Variants in GRPEL1 observed in about 807,000 individuals in gnomAD.
GRPEL1 encodes the protein GrpE like 1, mitochondrial, also known as grpE protein homolog 1, mitochondrial.
In GRPEL1, 13 loss-of-function variants were observed where a neutral mutation model predicts 22.1. The ratio of observed to expected loss-of-function variants is 0.59; its 90% CI spans 0.38 to 0.94. The LOEUF is 0.94. Ranked by LOEUF, GRPEL1 falls within the 40% of genes least tolerant of loss-of-function variation. The pLI is 0.00. For synonymous variants in GRPEL1, 109 were observed against 105.3 expected (o/e 1.03, Z -0.21); for missense variants, 289 against 264.6 (o/e 1.09, Z -0.64).
At chr4:7,062,802 A>G (rs59128242) in intron 2 of GRPEL1, among the ~76,000 whole-genome samples, 13,925 of 152,104 alleles carry the variant, frequency 0.092, 813 homozygotes, top group East Asian at 0.26. Context: ...GTGGGCCACC[A>G]TGCCTGGCCG....
At chr4:7,067,718 C>T (rs993048225) in intron 1 of GRPEL1, among the ~76,000 whole-genome samples, 1 of 152,256 alleles carries the variant, frequency 6.6e-6, no homozygotes, top group Non-Finnish European at 1.5e-5. Flanking sequence ...GAGCCAAACG[C>T]CCCCCGCGCT....
chr4:7,067,993 G>A lies in GRPEL1; in HGVS notation c.40C>T (p.Pro14Ser). Residue 14 changes from proline (P) to serine (S), a missense_variant, in exon 1 of 4, where the codon CCT becomes TCT. Transcript: ENST00000264954. ...QCVRLARRSL[P>S]ALALSLRPSP... ...TACCTGAGAGACAACGCCAAAGCAG[G>A]AAGACTGCGCCGCGCCAACCTCACG... is the stretch of plus-strand genomic sequence containing the variant. The A allele has an allele frequency of 1.2e-6, 2 of 1,613,446 alleles. No homozygotes were observed. The highest frequency in any genetic ancestry group is 1.7e-6 in the Non-Finnish European group (2 of 1,179,922).
intron 2 of GRPEL1, 36 bp downstream of exon 2, chr4:7,064,025 C>A: frequency 6.3e-7 from 1 of 1,599,764 alleles, no homozygotes; most frequent in Non-Finnish European, 8.5e-7. Context: ...AACAGTTCAG[C>A]CGAGCCCGCC....
rs1724020995 is a variant in GRPEL1, at chr4:7,060,719, G to A, written c.*143C>T. 13 of 753,492 alleles carry A rather than the reference G, an allele frequency of 1.7e-5. No homozygotes were observed. Among genetic ancestry groups the A allele is most frequent in the East Asian group, 1.5e-4 (6 of 40,594 alleles). The allele number at this position is 753,492 out of a possible 1,614,324, so 46.7% of individuals were successfully genotyped here. A position where few individuals can be genotyped will look rare whatever the true frequency, so the allele number is the denominator to read the frequency against. On this transcript the variant is annotated 3_prime_UTR_variant, in exon 4 of 4. Coordinates refer to ENST00000264954, the MANE Select transcript of GRPEL1 (RefSeq NM_025196.4). ...AGTTCATTAATGCAGTTGGGCAACC[G>A]GCTTTTCTGTTTAGCCACTGGTTAC...
intron 2 of GRPEL1, among the ~76,000 whole-genome samples, chr4:7,063,699 C>T (rs1214909444): frequency 6.6e-6 from 1 of 152,224 alleles, no homozygotes; most frequent in African/African-American, 2.4e-5. Context: ...CCTATGAGAG[C>T]ATCACATAAA....
chr4:7,062,756 A>C (rs980267851), intron 2 of GRPEL1, among the ~76,000 whole-genome samples: 12 of 151,796 alleles, frequency 7.9e-5, no homozygotes, highest in Non-Finnish European at 1.3e-4. Context: ...TTGTGATCCG[A>C]CCGCCTCGGC....
intron 1 of GRPEL1, among the ~76,000 whole-genome samples, chr4:7,064,748 G>T (rs147564919): frequency 6.6e-6 from 1 of 152,060 alleles, no homozygotes; most frequent in Non-Finnish European, 1.5e-5. Context: ...ATCTGCCCGC[G>T]TTGGCCTCCC....
chr4:7,061,174 C>G lies in GRPEL1; in HGVS notation c.342G>C (p.Val114=). ...IQAFCKDLLE[V]ADVLEKATQC... ...GTGTTGCCTTCTCCAGAACGTCTGCCACCTCCAACAAGTCCTTGCAGAAGG... is the reference window on the plus strand; with the variant it reads ...GTGTTGCCTTCTCCAGAACGTCTGCGACCTCCAACAAGTCCTTGCAGAAGG... The change falls in exon 4 of 4, where the codon GTG becomes GTC. Residue 114 remains valine, a synonymous_variant. Transcript: ENST00000264954. 1.9e-6 allele frequency: 3 copies of G among 1,613,180 alleles called. No individual in the cohort carries two copies. The highest frequency in any genetic ancestry group is 1.7e-6 in the Non-Finnish European group (2 of 1,179,582).
In GRPEL1 at chr4:7,061,092, CAT is replaced by C; in HGVS notation, c.422_423del (p.Tyr141Ter). The C allele has an allele frequency of 1.9e-6, 3 of 1,614,226 alleles. No individual in the cohort carries two copies. The highest frequency in any genetic ancestry group is 2.5e-6 in the Non-Finnish European group (3 of 1,180,042). ...KDDNPHLKNLYEGLVMTEVQI... is the reference protein window; with the variant it reads ...KDDNPHLKNLXEGLVMTEVQI... ...TGGACTTCAGTCATGACCAGCCCCT[CAT>C]AGAGGTTCTTCAGGTGAGGGTTATC... On this transcript the variant is annotated frameshift_variant, in exon 4 of 4. Coordinates refer to ENST00000264954, the MANE Select transcript of GRPEL1 (RefSeq NM_025196.4). LOFTEE classifies it high-confidence loss of function.
At position 7,058,968 on chromosome 4, in the gene GRPEL1, C is replaced by T. The variant is rs1309317613; in HGVS notation, c.*1894G>A. On this transcript the variant is annotated 3_prime_UTR_variant, in exon 4 of 4. Coordinates refer to ENST00000264954, the MANE Select transcript of GRPEL1 (RefSeq NM_025196.4). ...CAGATACCATTGTGTTAACAGTTGC[C>T]TACAGTATCAGTACAGTAACGTGCC... The T allele has an allele frequency of 6.6e-6, 1 of 152,198 alleles. No homozygotes were observed. The highest frequency in any genetic ancestry group is 2.4e-5 in the African/African-American group (1 of 41,444). 9.4% of individuals were successfully genotyped at this position (152,198 alleles called of 1,614,324 possible).
In GRPEL1 at chr4:7,061,204, A is replaced by G; in HGVS notation, c.312T>C (p.Ile104=). 2.5e-6 allele frequency: 4 copies of G among 1,607,128 alleles called. No homozygotes were observed. The highest frequency in any genetic ancestry group is 3.4e-6 in the Non-Finnish European group (4 of 1,176,494). The change falls in exon 4 of 4, where the codon ATT becomes ATC. Residue 104 remains isoleucine, a synonymous_variant. Coordinates refer to ENST00000264954, the MANE Select transcript of GRPEL1 (RefSeq NM_025196.4). ...CCAACAAGTCCTTGCAGAAGGCTTG[A>G]ATGCCTGGATGAAGTTAAAGAAGAT... ...KLVEEAKLYG[I]QAFCKDLLEV...
intron 2 of GRPEL1, 27 bp from the exon 3 acceptor site, chr4:7,062,493 TATATATATATA>T: frequency 2.9e-6 from 2 of 697,666 alleles, no homozygotes; most frequent in South Asian, 3.0e-5. Flanking sequence ...GGGATATTTA[TATATATATATA>T]TATATATATA....
chr4:7,063,528 G>C (rs943867153), intron 2 of GRPEL1, among the ~76,000 whole-genome samples: 2 of 152,206 alleles, frequency 1.3e-5, no homozygotes, highest in East Asian at 1.9e-4. Flanking sequence ...CCCTGGCTCC[G>C]CACCTGGCAG....
intron 2 of GRPEL1, 79 bp downstream of exon 2, chr4:7,063,982 G>C: frequency 4.8e-6 from 7 of 1,470,774 alleles, no homozygotes; most frequent in Non-Finnish European, 6.4e-6. Context: ...TGTCACCAAT[G>C]AAACCTGGAA....
intron 1 of GRPEL1, among the ~76,000 whole-genome samples, chr4:7,065,284 G>A (rs1297032082): frequency 6.6e-6 from 1 of 152,246 alleles, no homozygotes; most frequent in Non-Finnish European, 1.5e-5. Context: ...GGAGGCCAAA[G>A]CAGGTGGATC....
intron 3 of GRPEL1, 161 bp downstream of exon 3, chr4:7,062,224 A>G (rs1577221201): frequency 2.4e-6 from 1 of 420,414 alleles, no homozygotes; most frequent in African/African-American, 2.0e-5. Context: ...TCCTCCAGAC[A>G]CCTTTGCTGT....
At chr4:7,065,802 A>C (rs1195467670) in intron 1 of GRPEL1, among the ~76,000 whole-genome samples, 1 of 152,126 alleles carries the variant, frequency 6.6e-6, no homozygotes, top group Non-Finnish European at 1.5e-5. Flanking sequence ...GCCATCAACG[A>C]ATGATAAAAT....
intron 1 of GRPEL1, among the ~76,000 whole-genome samples, chr4:7,064,548 TGA>T (rs370308103): frequency 4.6e-5 from 7 of 152,150 alleles, no homozygotes; most frequent in African/African-American, 1.2e-4. Context: ...TCTTTTTTTT[TGA>T]GAGAGAGAGT....
chr4:7,061,590 C>A, intron 3 of GRPEL1: 1 of 201,214 alleles, frequency 5.0e-6, no homozygotes, highest in South Asian at 8.1e-5. Flanking sequence ...TGTAAGTCAC[C>A]CAGGGAGCAC....
Sources: gnomAD v4.1 joint callset for allele counts (sites outside exome capture counted in the v4.1 genomes callset) on GRCh38, gnomAD v4.1.1 for gene constraint, MANE v1.5 for transcripts, NCBI Gene and HGNC (gene_info 2026-07-23, HGNC 2026-07-21) for gene names.